ATG14: variants seen among roughly 807,000 people sequenced by gnomAD.
ATG14 encodes the protein beclin 1-associated autophagy-related key regulator.
Under a neutral mutation model 60.4 loss-of-function variants are expected in ATG14, and 35 were observed. That is an observed-to-expected ratio of 0.58 (90% confidence interval 0.44 to 0.77). The LOEUF is 0.77. ATG14 is among the 30% of genes least tolerant of loss of function. The pLI is 0.00. For synonymous variants in ATG14, 234 were observed against 228.8 expected (o/e 1.02, Z -0.21); for missense variants, 647 against 626.3 (o/e 1.03, Z -0.35).
intron 5 of ATG14, 85 bp from the exon 6 acceptor site, chr14:55,382,276 C>G: frequency 8.4e-7 from 1 of 1,193,954 alleles, no homozygotes; most frequent in Non-Finnish European, 1.2e-6. Context: ...GCTAGAACAT[C>G]GAAAAGCTGC....
At chr14:55,389,790 A>G (rs779058557) in intron 4 of ATG14, among the ~76,000 whole-genome samples, 4 of 152,252 alleles carry the variant, frequency 2.6e-5, no homozygotes, top group Non-Finnish European at 4.4e-5. Flanking sequence ...AGAAATGTAT[A>G]TGATGTTACA....
intron 3 of ATG14, among the ~76,000 whole-genome samples, chr14:55,393,350 A>G (rs1413375456): frequency 4.6e-5 from 7 of 151,908 alleles, no homozygotes; most frequent in African/African-American, 1.5e-4. Context: ...GCGCCACTGC[A>G]CTCCAGCCTG....
rs1314325979 is a variant in ATG14, at chr14:55,385,533, TTCGCCTGCC to T, written c.647+317_647+325del. ...GTCTCAAACTCCTGACCTCAGGTGA[TTCGCCTGCC>T]TCGGCCTCCCAAAGTGCTGGGATTA... On this transcript the variant is annotated intron_variant, in intron 5 of 9. Coordinates refer to ENST00000247178, the MANE Select transcript of ATG14 (RefSeq NM_014924.5). Among the ~76,000 whole-genome samples the T allele has an allele frequency of 3.9e-5, 6 of 152,346 alleles. No individual in the cohort carries two copies. The East Asian group carries it at 1.2e-3, about 29-fold the overall frequency.
intron 1 of ATG14, among the ~76,000 whole-genome samples, chr14:55,403,833 A>G (rs1057321699): frequency 3.3e-5 from 5 of 152,194 alleles, no homozygotes; most frequent in African/African-American, 1.2e-4. Context: ...TATTTCTACA[A>G]TGTTTGAGCT....
chr14:55,407,095 G>A (rs1265662064), intron 1 of ATG14, among the ~76,000 whole-genome samples: 1 of 151,840 alleles, frequency 6.6e-6, no homozygotes. Context: ...CCGAGTAGCT[G>A]GGTTTACAGG....
intron 9 of ATG14, among the ~76,000 whole-genome samples, chr14:55,371,688 C>T (rs889481351): frequency 2.5e-4 from 38 of 152,228 alleles, no homozygotes; most frequent in African/African-American, 7.5e-4. Flanking sequence ...CCTGTAGTCC[C>T]GGCTACTCAG....
At position 55,379,257 on chromosome 14, in the gene ATG14, C is replaced by T. The variant is rs113297154; in HGVS notation, c.996-1183G>A. Among the ~76,000 whole-genome samples the T allele has an allele frequency of 9.3e-3, 1,419 of 152,066 alleles. 30 individuals carry two copies. Among genetic ancestry groups the T allele is most frequent in the African/African-American group, 0.033 (1,369 of 41,488 alleles). On this transcript the variant is annotated intron_variant, in intron 7 of 9. Coordinates refer to ENST00000247178, the MANE Select transcript of ATG14 (RefSeq NM_014924.5). ...TTATTTAAAGGGGGAAGATGATGGC[C>T]GGGTGCAGTGGTTCATGCCTGTAAT...
intron 9 of ATG14, among the ~76,000 whole-genome samples, chr14:55,372,117 C>T (rs1177228260): frequency 6.6e-6 from 1 of 152,132 alleles, no homozygotes; most frequent in Non-Finnish European, 1.5e-5. Context: ...GTTACTAAAC[C>T]CTCAGGCTCA....
chr14:55,402,949 AT>A lies in ATG14; in HGVS notation c.222-5516del, dbSNP rs1566585713. On this transcript the variant is annotated intron_variant, in intron 1 of 9. Coordinates refer to ENST00000247178, the MANE Select transcript of ATG14 (RefSeq NM_014924.5). ...AAAATATATATATATATATATATAT[AT>A]ATATATATATATATATATAAATAGC... Among the ~76,000 whole-genome samples, 9 of 79,374 alleles carry A rather than the reference AT, an allele frequency of 1.1e-4. 1 individual carries two copies. The highest frequency in any genetic ancestry group is 1.8e-4 in the African/African-American group (4 of 22,302). 52.1% of individuals were successfully genotyped at this position (79,374 alleles called of 152,430 possible).
chr14:55,402,942 T>A (rs1594784755), intron 1 of ATG14, among the ~76,000 whole-genome samples: 14 of 48,154 alleles, frequency 2.9e-4, no homozygotes, highest in African/African-American at 6.6e-4. Flanking sequence ...TATATATATA[T>A]ATATATATAT....
intron 9 of ATG14, among the ~76,000 whole-genome samples, chr14:55,375,080 A>G (rs977838004): frequency 5.9e-5 from 9 of 152,222 alleles, no homozygotes; most frequent in African/African-American, 1.9e-4. Context: ...CTGGAAAATC[A>G]TAAGGGTTTT....
At chr14:55,408,341 G>A (rs553987324) in intron 1 of ATG14, among the ~76,000 whole-genome samples, 2 of 152,098 alleles carry the variant, frequency 1.3e-5, no homozygotes, top group African/African-American at 2.4e-5. Flanking sequence ...TGTAGTCCCA[G>A]ATACCAGGGA....
chr14:55,395,990 GA>G lies in ATG14; in HGVS notation c.285-9del, dbSNP rs750276037. 3 of 1,576,648 alleles carry G rather than the reference GA, an allele frequency of 1.9e-6. No homozygotes were observed. Among genetic ancestry groups the G allele is most frequent in the African/African-American group, 1.4e-5 (1 of 73,070 alleles). ...TCCATAGCTTTTAACACTCTGTGAGGAAAAGAGACAGAAAATAAGCTCTTAA... is the reference window on the plus strand; with the variant it reads ...TCCATAGCTTTTAACACTCTGTGAGGAAAGAGACAGAAAATAAGCTCTTAA... On this transcript the variant is annotated splice_polypyrimidine_tract_variant and intron_variant, in intron 2 of 9. Coordinates refer to ENST00000247178, the MANE Select transcript of ATG14 (RefSeq NM_014924.5).
chr14:55,369,824 C>T lies in ATG14; in HGVS notation c.1274G>A (p.Ser425Asn), dbSNP rs767622698. The T allele has an allele frequency of 6.2e-7, 1 of 1,614,200 alleles. No individual in the cohort carries two copies. The highest frequency in any genetic ancestry group is 1.3e-5 in the African/African-American group (1 of 75,044). The change falls in exon 10 of 10, where the codon AGC (serine) becomes AAC (asparagine). Residue 425 changes from serine to asparagine, a missense_variant. Ser to Asn is a conservative substitution (Grantham distance 46). Transcript: ENST00000247178. ...TGTGCCCAGGTCGGTTTCTTCATCGCTGACGCGCTCATCTCCGCTCTCATC... is the reference window on the plus strand; with the variant it reads ...TGTGCCCAGGTCGGTTTCTTCATCGTTGACGCGCTCATCTCCGCTCTCATC... The part of the protein sequence containing the change: ...ESDESGDERV[S>N]DEETDLGTDW...
intron 1 of ATG14, among the ~76,000 whole-genome samples, chr14:55,408,579 T>C (rs189750522): frequency 1.7e-3 from 263 of 152,246 alleles, no homozygotes; most frequent in African/African-American, 5.9e-3. Context: ...GAGATCAGCC[T>C]GGACAAGATA....
At chr14:55,373,187 T>C (rs982419054) in intron 9 of ATG14, among the ~76,000 whole-genome samples, 3 of 152,206 alleles carry the variant, frequency 2.0e-5, no homozygotes, top group African/African-American at 7.2e-5. Context: ...TGTTTCCTAA[T>C]TTTTAGTTTA....
intron 3 of ATG14, among the ~76,000 whole-genome samples, chr14:55,395,624 C>G (rs924286258): frequency 5.3e-5 from 8 of 152,228 alleles, no homozygotes; most frequent in Non-Finnish European, 1.0e-4. Flanking sequence ...TTTTCTTTGA[C>G]ACATTTAATC....
intron 7 of ATG14, 120 bp downstream of exon 7, chr14:55,380,453 G>T: frequency 3.0e-6 from 2 of 657,934 alleles, no homozygotes; most frequent in Non-Finnish European, 5.3e-6. Context: ...ATTTCAATCC[G>T]ACCTTCTCTG....
At position 55,378,062 on chromosome 14, in the gene ATG14, G is replaced by A. The variant is rs368592598; in HGVS notation, c.1008C>T (p.Gly336=). 19 of 1,612,226 alleles carry A rather than the reference G, an allele frequency of 1.2e-5. No homozygotes were observed. The highest frequency in any genetic ancestry group is 3.3e-5 in the South Asian group (3 of 90,910). The change falls in exon 8 of 10, where the codon GGC becomes GGT. Residue 336 remains glycine (G), a synonymous_variant. Transcript: ENST00000247178. The part of the protein sequence containing the change: ...PKKLCNSEFC[G]ENLSKQKFTR... The stretch of plus-strand genomic sequence containing the variant: ...TAAATTTCTGCTTGCTTAGATTTTC[G>A]CCACAAAATTCACTGTAAAACAAAC...
Sources: allele counts gnomAD v4.1 joint callset (sites outside exome capture counted in the v4.1 genomes callset), GRCh38; gene constraint gnomAD v4.1.1; transcripts MANE v1.5; gene names NCBI Gene and HGNC (gene_info 2026-07-23, HGNC 2026-07-21).